Variants in FGF1 observed in about 807,000 individuals in gnomAD.
FGF1 encodes beta-endothelial cell growth factor.
FGF1 carries 9 observed loss-of-function variants against 13.4 expected under a neutral mutation model. The observed-to-expected ratio is 0.67, with a 90% CI of 0.40 to 1.17. The LOEUF is 1.17. Among genes scored for constraint, FGF1 ranks in the 50% most tolerant of loss-of-function variants. FGF1 has a pLI of 0.01. For synonymous variants in FGF1, 93 were observed against 79.0 expected (o/e 1.18, Z -0.94); for missense variants, 156 against 192.7 (o/e 0.81, Z 1.13).
intron 1 of FGF1, among the ~76,000 whole-genome samples, chr5:142,664,271 C>T (rs1769858623): frequency 6.6e-6 from 1 of 152,228 alleles, no homozygotes; most frequent in Admixed American, 6.5e-5. Context: ...TCCCAGGCAG[C>T]GTGCACTGAT....
chr5:142,688,327 A>G (rs1751597141), upstream of FGF1, among the ~76,000 whole-genome samples: 1 of 152,200 alleles, frequency 6.6e-6, no homozygotes, highest in African/African-American at 2.4e-5. Flanking sequence ...GTTACTATCT[A>G]GATTTACCTT....
chr5:142,672,877 C>T (rs1329039111), intron 1 of FGF1, among the ~76,000 whole-genome samples: 1 of 152,100 alleles, frequency 6.6e-6, no homozygotes, highest in African/African-American at 2.4e-5. Context: ...AGGAGTTTGA[C>T]CAGCTTCCGG....
chr5:142,648,193 T>G (rs1032427885), intron 1 of FGF1, among the ~76,000 whole-genome samples: 3 of 152,196 alleles, frequency 2.0e-5, no homozygotes, highest in Admixed American at 6.5e-5. Context: ...AGAGAACAAG[T>G]GTCTTCACAC....
At chr5:142,629,869 C>CAT (rs979826269) in intron 1 of FGF1, among the ~76,000 whole-genome samples, 3 of 137,454 alleles carry the variant, frequency 2.2e-5, no homozygotes, top group Admixed American at 1.5e-4. Context: ...ATTATATATA[C>CAT]ATATATATTA....
At position 142,669,654 on chromosome 5, in the gene FGF1, G is replaced by A. The variant is rs1038646200; in HGVS notation, c.-35+16303C>T. On this transcript the variant is annotated intron_variant, in intron 1 of 3. Transcript: ENST00000337706. Reference sequence around the variant, plus strand: ...ATCTGGCAGGACGACTGCTGCACTCGCTGTGGGGCGTGTCGCGGCTGAGGT... The same window carrying A: ...ATCTGGCAGGACGACTGCTGCACTCACTGTGGGGCGTGTCGCGGCTGAGGT... 5.3e-5 allele frequency among the ~76,000 whole-genome samples: 8 copies of A among 152,360 alleles called. No individual in the cohort carries two copies. In the South Asian group the frequency reaches 8.3e-4, roughly 16 times the overall value.
chr5:142,696,470 G>A (rs1359231397), intron 2 of FGF1, among the ~76,000 whole-genome samples: 4 of 152,154 alleles, frequency 2.6e-5, no homozygotes, highest in Non-Finnish European at 4.4e-5. Context: ...ACCCACATTC[G>A]TTCTATGAGA....
At chr5:142,624,238 ATTC>A (rs1167646316) in intron 1 of FGF1, among the ~76,000 whole-genome samples, 1 of 151,922 alleles carries the variant, frequency 6.6e-6, no homozygotes, top group Non-Finnish European at 1.5e-5. Context: ...AACTTTTAAA[ATTC>A]TTTTTTGTAG....
intron 1 of FGF1, among the ~76,000 whole-genome samples, chr5:142,635,236 GA>G (rs1308657455): frequency 2.0e-5 from 3 of 152,164 alleles, no homozygotes; most frequent in Non-Finnish European, 2.9e-5. Context: ...ACAGAATGGG[GA>G]TGATAACAGT....
chr5:142,689,374 C>T (rs1260908972), upstream of FGF1, among the ~76,000 whole-genome samples: 2 of 152,124 alleles, frequency 1.3e-5, no homozygotes, highest in Non-Finnish European at 1.5e-5. Context: ...GTGAAGCAAG[C>T]GCCACGATGA....
At chr5:142,632,809 G>T (rs147582858) in intron 1 of FGF1, among the ~76,000 whole-genome samples, 1 of 152,140 alleles carries the variant, frequency 6.6e-6, no homozygotes, top group African/African-American at 2.4e-5. Flanking sequence ...TGTAATGGTT[G>T]CACCTTCACT....
intron 1 of FGF1, among the ~76,000 whole-genome samples, chr5:142,685,304 A>G (rs1774464011): frequency 6.6e-6 from 1 of 152,334 alleles, no homozygotes. Flanking sequence ...CCATGGGGCC[A>G]TGGGAATACC....
At chr5:142,609,453 G>T (rs1037783781) in intron 2 of FGF1, among the ~76,000 whole-genome samples, 1 of 152,166 alleles carries the variant, frequency 6.6e-6, no homozygotes, top group Non-Finnish European at 1.5e-5. Flanking sequence ...CCCTTCACCT[G>T]AGAGGAAACT....
intron 3 of FGF1, 41 bp from the exon 4 acceptor site, chr5:142,595,525 GT>G: frequency 6.4e-7 from 1 of 1,555,646 alleles, no homozygotes; most frequent in South Asian, 1.2e-5. Flanking sequence ...CAATCAGTGA[GT>G]AGTTTCACAT....
chr5:142,644,197 A>C (rs919157415), intron 1 of FGF1: 1 of 152,304 alleles, frequency 6.6e-6, no homozygotes, highest in East Asian at 1.9e-4. Context: ...ATCCCCCAAG[A>C]GTCTGGCCAG....
At chr5:142,615,801 A>G (rs554405370) in intron 1 of FGF1, among the ~76,000 whole-genome samples, 21 of 152,298 alleles carry the variant, frequency 1.4e-4, no homozygotes, top group South Asian at 4.1e-4. Flanking sequence ...GAAAGCCCCA[A>G]TTTGCCCTTG....
chr5:142,614,526 A>G (rs1413154668), intron 1 of FGF1, among the ~76,000 whole-genome samples: 8 of 152,212 alleles, frequency 5.3e-5, no homozygotes, highest in Admixed American at 5.2e-4. Context: ...GCACTAAAAT[A>G]ACACCTAGGG....
At chr5:142,646,417 A>C (rs1766127036) in intron 1 of FGF1, among the ~76,000 whole-genome samples, 1 of 150,646 alleles carries the variant, frequency 6.6e-6, no homozygotes. Flanking sequence ...GTGGCGCGCA[A>C]TCTCGGCTCA....
rs1561486353 is a variant in FGF1 at position 142,592,348 on chromosome 5, G to A, written c.*2942C>T. On this transcript the variant is annotated 3_prime_UTR_variant, in exon 4 of 4. Coordinates refer to ENST00000337706, the MANE Select transcript of FGF1 (RefSeq NM_000800.5). Reference sequence around the variant, plus strand: ...AGGACTTGGCGCCTTGGGTTCCTTTGCCTCTGACACAAAGCAAGGACCTTC... The same window carrying A: ...AGGACTTGGCGCCTTGGGTTCCTTTACCTCTGACACAAAGCAAGGACCTTC... 2 of 398,410 alleles carry A rather than the reference G, an allele frequency of 5.0e-6. No individual in the cohort carries two copies. Among genetic ancestry groups the A allele is most frequent in the Admixed American group, 4.4e-5 (1 of 22,716 alleles). The allele number at this position is 398,410 out of a possible 1,614,324, so 24.7% of individuals were successfully genotyped here. A position where few individuals can be genotyped will look rare whatever the true frequency, so the allele number is the denominator to read the frequency against.
intron 2 of FGF1, among the ~76,000 whole-genome samples, chr5:142,694,614 C>G (rs992392241): frequency 6.6e-6 from 1 of 152,082 alleles, no homozygotes; most frequent in Non-Finnish European, 1.5e-5. Flanking sequence ...TGCCAAACAC[C>G]CTGAGGGAGG....
Sources: allele counts gnomAD v4.1 joint callset (sites outside exome capture counted in the v4.1 genomes callset), GRCh38; gene constraint gnomAD v4.1.1; transcripts MANE v1.5; gene names NCBI Gene and HGNC (gene_info 2026-07-23, HGNC 2026-07-21).